ATXN1: variants seen among roughly 807,000 people sequenced by gnomAD.
The protein encoded by ATXN1 is ataxin-1.
In ATXN1, 8 loss-of-function variants were observed where a neutral mutation model predicts 56.4. The ratio of observed to expected loss-of-function variants is 0.14; its 90% CI spans 0.08 to 0.26. The LOEUF is 0.26. Ranked by LOEUF, ATXN1 falls within the 10% of genes least tolerant of loss-of-function variation. The pLI is 1.00. For missense variants in ATXN1, 987 were observed against 1,106.5 expected (o/e 0.89, Z 1.53); for synonymous variants, 514 against 494.6 (o/e 1.04, Z -0.52).
intron 6 of ATXN1, among the ~76,000 whole-genome samples, chr6:16,460,110 C>A (rs779021570): frequency 4.6e-5 from 7 of 152,056 alleles, no homozygotes; most frequent in Non-Finnish European, 1.0e-4. Context: ...GATGGCCAGG[C>A]CACTCTATAC....
intron 6 of ATXN1, among the ~76,000 whole-genome samples, chr6:16,477,979 C>A (rs1429038059): frequency 1.3e-5 from 2 of 152,196 alleles, no homozygotes; most frequent in African/African-American, 4.8e-5. Flanking sequence ...CCTCTCGAGG[C>A]CACCCTCTTC....
intron 4 of ATXN1, among the ~76,000 whole-genome samples, chr6:16,527,919 C>T (rs1377812378): frequency 6.6e-6 from 1 of 152,090 alleles, no homozygotes; most frequent in Non-Finnish European, 1.5e-5. Context: ...TTGCTTTGCC[C>T]AACTCTCTCG....
chr6:16,704,112 G>C (rs947343290), intron 2 of ATXN1, among the ~76,000 whole-genome samples: 1 of 152,204 alleles, frequency 6.6e-6, no homozygotes, highest in Non-Finnish European at 1.5e-5. Flanking sequence ...CTGTATAAGA[G>C]AGCAGGCAAA....
chr6:16,453,270 C>T (rs1474866157), intron 6 of ATXN1, among the ~76,000 whole-genome samples: 1 of 152,062 alleles, frequency 6.6e-6, no homozygotes, highest in Non-Finnish European at 1.5e-5. Flanking sequence ...ACCATCCTGG[C>T]TAACACGGTG....
intron 5 of ATXN1, among the ~76,000 whole-genome samples, chr6:16,518,076 T>C (rs1761218883): frequency 6.6e-6 from 1 of 152,090 alleles, no homozygotes; most frequent in Admixed American, 6.5e-5. Context: ...TAGAGGAGAC[T>C]AACAATAAAC....
In ATXN1 at chr6:16,436,754, A is replaced by G. The variant is rs145268800; in HGVS notation, c.-161+49218T>C. Among the ~76,000 whole-genome samples the G allele has an allele frequency of 2.9e-4, 44 of 152,276 alleles. No homozygotes were observed. In the East Asian group the frequency reaches 8.5e-3, roughly 29 times the overall value. ...GGGGTGACAAGTTCTTTGAGCCACA[A>G]TAAAGTCTGAGGTCCTTACTCTGAG... is the stretch of plus-strand genomic sequence containing the variant. On this transcript the variant is annotated intron_variant, in intron 6 of 7. Transcript: ENST00000436367.
chr6:16,351,601 C>G (rs1267684475), intron 6 of ATXN1, among the ~76,000 whole-genome samples: 1 of 152,122 alleles, frequency 6.6e-6, no homozygotes, highest in Non-Finnish European at 1.5e-5. Flanking sequence ...CGGGGTTTCA[C>G]CATGTTGTCC....
At chr6:16,631,034 G>A (rs1763494532) in intron 3 of ATXN1, among the ~76,000 whole-genome samples, 1 of 152,136 alleles carries the variant, frequency 6.6e-6, no homozygotes, top group Non-Finnish European at 1.5e-5. Context: ...GATCACCTAT[G>A]CTCTTTGTTG....
intron 6 of ATXN1, among the ~76,000 whole-genome samples, chr6:16,431,319 C>T (rs1319748727): frequency 6.6e-6 from 1 of 152,168 alleles, no homozygotes; most frequent in Non-Finnish European, 1.5e-5. Context: ...GGGGGGATGT[C>T]TGCCAAGGAC....
intron 6 of ATXN1, among the ~76,000 whole-genome samples, chr6:16,455,713 C>G (rs1461007131): frequency 1.3e-5 from 2 of 152,078 alleles, no homozygotes; most frequent in East Asian, 3.8e-4. Context: ...AACAAATAAG[C>G]TTTCAGGCCA....
chr6:16,752,153 TTTAAATGAAC>T (rs1760742243), intron 2 of ATXN1, among the ~76,000 whole-genome samples: 1 of 152,218 alleles, frequency 6.6e-6, no homozygotes, highest in African/African-American at 2.4e-5. Context: ...TCAATTATTG[TTTAAATGAAC>T]CTGTTATAAA....
At chr6:16,655,454 CCT>C (rs1285814426) in intron 3 of ATXN1, among the ~76,000 whole-genome samples, 2 of 152,118 alleles carry the variant, frequency 1.3e-5, no homozygotes, top group Non-Finnish European at 2.9e-5. Flanking sequence ...TGTGTGTACC[CCT>C]GATGGCGTGA....
At chr6:16,640,935 C>A (rs1763696623) in intron 3 of ATXN1, among the ~76,000 whole-genome samples, 1 of 152,200 alleles carries the variant, frequency 6.6e-6, no homozygotes, top group East Asian at 1.9e-4. Flanking sequence ...AAAAGTGCTA[C>A]TCCAGTGAAC....
intron 6 of ATXN1, among the ~76,000 whole-genome samples, chr6:16,450,392 A>G (rs1759730872): frequency 6.6e-6 from 1 of 152,258 alleles, no homozygotes; most frequent in Non-Finnish European, 1.5e-5. Flanking sequence ...TGGTTCTTAG[A>G]GAATGGAAGG....
chr6:16,420,856 G>A (rs1032437356), intron 6 of ATXN1, among the ~76,000 whole-genome samples: 20 of 152,100 alleles, frequency 1.3e-4, no homozygotes, highest in African/African-American at 2.2e-4. Flanking sequence ...TCTCTCTCTC[G>A]TGTGTATTTT....
Position 16,698,329 on chromosome 6 carries a change from C to A in ATXN1, c.-614-40428G>T, listed in dbSNP as rs529653701. Among the ~76,000 whole-genome samples the A allele has an allele frequency of 4.0e-3, 605 of 152,238 alleles. 3 individuals are homozygous for A. The highest frequency in any genetic ancestry group is 6.6e-3 in the Non-Finnish European group (447 of 67,994). ...ATTTTCTTTAGAGCAGCTCATAGTA[C>A]CAACCACTCCCTGCCCCTCCCATTC... On this transcript the variant is annotated intron_variant, in intron 2 of 7. Coordinates refer to ENST00000436367, the MANE Select transcript of ATXN1 (RefSeq NM_001128164.2).
intron 2 of ATXN1, among the ~76,000 whole-genome samples, chr6:16,710,915 G>A (rs139076194): frequency 1.3e-5 from 2 of 150,654 alleles, no homozygotes; most frequent in African/African-American, 2.4e-5. Context: ...ATAGAGACAC[G>A]GTCTCACTCT....
At chr6:16,427,198 G>T (rs1275530537) in intron 6 of ATXN1, among the ~76,000 whole-genome samples, 12 of 152,128 alleles carry the variant, frequency 7.9e-5, no homozygotes, top group African/African-American at 2.4e-4. Flanking sequence ...GTAAACCAGG[G>T]TTTCTCAGCC....
intron 2 of ATXN1, among the ~76,000 whole-genome samples, chr6:16,733,558 G>A (rs1201014754): frequency 1.3e-5 from 2 of 150,596 alleles, no homozygotes; most frequent in Non-Finnish European, 3.0e-5. Flanking sequence ...ACTGAGAACT[G>A]ACCTCTTGGA....
Sources: allele counts gnomAD v4.1 joint callset (sites outside exome capture counted in the v4.1 genomes callset), GRCh38; gene constraint gnomAD v4.1.1; transcripts MANE v1.5; gene names NCBI Gene and HGNC (gene_info 2026-07-23, HGNC 2026-07-21).